Variants in CRISPLD2 observed in about 807,000 individuals in gnomAD.
The protein encoded by CRISPLD2 is cysteine rich secretory protein LCCL domain containing 2, also known as cysteine-rich secretory protein LCCL domain-containing 2.
A neutral mutation model predicts 71.1 loss-of-function variants in CRISPLD2; 47 were observed. That is an observed-to-expected ratio of 0.66 (90% CI 0.52 to 0.84). CRISPLD2 has a LOEUF of 0.84. Ranked by LOEUF, CRISPLD2 falls within the 40% of genes least tolerant of loss-of-function variation. The probability of loss-of-function intolerance (pLI) is 0.00; values close to 1 mark genes in which losing one functional copy is unlikely to be tolerated. For missense variants in CRISPLD2, 830 were observed against 651.1 expected, an observed-to-expected ratio of 1.27 and a Z score of -2.99; for synonymous variants, 317 against 250.1, an observed-to-expected ratio of 1.27 and a Z score of -2.52.
At position 84,865,500 on chromosome 16, in the gene CRISPLD2, C is replaced by G. The variant is rs2968142; in HGVS notation, c.710-1397C>G. ...CCAAAACCACAAAGAGACCTGCGAG[C>G]GTGCTCTAGTTATTCTCCTTGAAAT... On this transcript the variant is annotated intron_variant, in intron 6 of 14. Transcript: ENST00000262424. Among the ~76,000 whole-genome samples the G allele has an allele frequency of 5.1e-3, 777 of 152,262 alleles. 4 individuals carry two copies. Among genetic ancestry groups the G allele is most frequent in the African/African-American group, 0.017 (715 of 41,536 alleles).
At position 84,878,635 on chromosome 16, in the gene CRISPLD2, C is replaced by T. The variant is rs555641592; in HGVS notation, c.1229+1125C>T. Among the ~76,000 whole-genome samples, 18 of 152,316 alleles carry T rather than the reference C, an allele frequency of 1.2e-4. 1 individual carries two copies. The South Asian group carries it at 2.1e-3, about 18-fold the overall frequency. On this transcript the variant is annotated intron_variant, in intron 12 of 14. Transcript: ENST00000262424. The stretch of plus-strand genomic sequence containing the variant: ...GTGGTCCACGGAGGACGATGCCTCC[C>T]AGCATAAAATAAAGGGTGTCCTGGG...
chr16:84,856,586 T>C (rs980784967), intron 6 of CRISPLD2, among the ~76,000 whole-genome samples: 79 of 152,158 alleles, frequency 5.2e-4, no homozygotes, highest in Non-Finnish European at 4.4e-5. Context: ...CCATTTCCAC[T>C]TCCACCCCTT....
intron 6 of CRISPLD2, among the ~76,000 whole-genome samples, chr16:84,860,404 G>C (rs1263601885): frequency 6.6e-6 from 1 of 152,108 alleles, no homozygotes; most frequent in Non-Finnish European, 1.5e-5. Context: ...AGTGTAGCAT[G>C]TGTCACACTC....
chr16:84,903,399 C>A (rs1326481042), intron 14 of CRISPLD2, among the ~76,000 whole-genome samples: 3 of 152,090 alleles, frequency 2.0e-5, no homozygotes, highest in Admixed American at 2.0e-4. Flanking sequence ...AGAGACCAGC[C>A]TGGCCAATAT....
intron 5 of CRISPLD2, among the ~76,000 whole-genome samples, chr16:84,852,585 G>A (rs1324942883): frequency 4.6e-5 from 7 of 152,158 alleles, no homozygotes; most frequent in Non-Finnish European, 1.0e-4. Context: ...TTAGAGAGAG[G>A]GCTTGAGCCC....
intron 1 of CRISPLD2, among the ~76,000 whole-genome samples, 197 bp from the exon 2 acceptor site, chr16:84,838,225 T>C (rs1209700741): frequency 2.0e-5 from 3 of 152,170 alleles, no homozygotes; most frequent in African/African-American, 7.2e-5. Context: ...ACAGCTTGCC[T>C]CGCTGGAAAC....
chr16:84,823,357 A>T (rs79330592), intron 1 of CRISPLD2, among the ~76,000 whole-genome samples: 13,220 of 152,232 alleles, frequency 0.087, 615 homozygotes, highest in Middle Eastern at 0.12. Flanking sequence ...ATGTTTTCAT[A>T]TCTCTTGAGT....
chr16:84,880,651 A>C, intron 13 of CRISPLD2, 67 bp downstream of exon 13: 9 of 1,192,508 alleles, frequency 7.5e-6, no homozygotes, highest in South Asian at 1.2e-5. Context: ...TGCAAGCTCC[A>C]AGATCTGGAT....
intron 1 of CRISPLD2, among the ~76,000 whole-genome samples, chr16:84,824,695 C>G (rs1199324796): frequency 1.3e-5 from 2 of 152,310 alleles, no homozygotes; most frequent in East Asian, 1.9e-4. Flanking sequence ...TAATTTCACT[C>G]CTGCCGTCTG....
At chr16:84,889,424 G>A in intron 14 of CRISPLD2, 61 bp downstream of exon 14, 1 of 1,549,322 alleles carries the variant, frequency 6.5e-7, no homozygotes, top group Non-Finnish European at 8.7e-7. Flanking sequence ...CCCTCAGGGG[G>A]CCTGGGAAGA....
chr16:84,841,664 C>T (rs957373265), intron 2 of CRISPLD2, among the ~76,000 whole-genome samples: 2 of 151,760 alleles, frequency 1.3e-5, no homozygotes, highest in African/African-American at 2.4e-5. Flanking sequence ...GGCGTGATCT[C>T]GGCTCACTGC....
At chr16:84,834,187 G>A (rs1480900431) in intron 1 of CRISPLD2, among the ~76,000 whole-genome samples, 1 of 152,214 alleles carries the variant, frequency 6.6e-6, no homozygotes, top group Non-Finnish European at 1.5e-5. Context: ...GAGGGTGAGA[G>A]GAGATCACGG....
chr16:84,827,266 G>A (rs1015854004), intron 1 of CRISPLD2, among the ~76,000 whole-genome samples: 18 of 152,140 alleles, frequency 1.2e-4, no homozygotes, highest in African/African-American at 3.9e-4. Flanking sequence ...GTTGAGCACC[G>A]TGTCTGCGGG....
chr16:84,876,056 C>G (rs1240298375), intron 11 of CRISPLD2, among the ~76,000 whole-genome samples: 1 of 152,194 alleles, frequency 6.6e-6, no homozygotes, highest in East Asian at 1.9e-4. Flanking sequence ...TGCCTATTGC[C>G]TGCTTTTGTA....
intron 1 of CRISPLD2, chr16:84,828,117 G>T (rs1344867921): frequency 6.6e-6 from 1 of 152,180 alleles, no homozygotes; most frequent in Non-Finnish European, 1.5e-5. Context: ...TGCTATGGAG[G>T]TTCCGCAGCC....
chr16:84,847,559 G>T (rs1282397766), intron 3 of CRISPLD2, among the ~76,000 whole-genome samples: 1 of 151,952 alleles, frequency 6.6e-6, no homozygotes, highest in Non-Finnish European at 1.5e-5. Flanking sequence ...GCTGAGGCAG[G>T]AGAATCGCTT....
intron 1 of CRISPLD2, among the ~76,000 whole-genome samples, chr16:84,830,194 C>A (rs1916454054): frequency 6.6e-6 from 1 of 152,106 alleles, no homozygotes; most frequent in African/African-American, 2.4e-5. Flanking sequence ...TGGTGTTGCA[C>A]ACCTGTAGTC....
At chr16:84,852,048 C>T (rs930249718) in intron 5 of CRISPLD2, among the ~76,000 whole-genome samples, 7 of 152,162 alleles carry the variant, frequency 4.6e-5, no homozygotes, top group African/African-American at 1.2e-4. Flanking sequence ...TGTGGCAGAT[C>T]AAGGGGTGGC....
intron 12 of CRISPLD2, among the ~76,000 whole-genome samples, chr16:84,878,239 T>A (rs894611181): frequency 5.9e-5 from 9 of 151,874 alleles, no homozygotes; most frequent in Non-Finnish European, 1.3e-4. Context: ...AAGAAAAAAG[T>A]ACACAATGTG....
Sources: gnomAD v4.1 joint callset for allele counts (sites outside exome capture counted in the v4.1 genomes callset) on GRCh38, gnomAD v4.1.1 for gene constraint, MANE v1.5 for transcripts, NCBI Gene and HGNC (gene_info 2026-07-23, HGNC 2026-07-21) for gene names.